MYT1L: variants seen among roughly 807,000 people sequenced by gnomAD.
MYT1L encodes myelin transcription factor 1 like, also known as myelin transcription factor 1-like protein.
MYT1L carries 12 observed loss-of-function variants against 126.7 expected under a neutral mutation model. The ratio of observed to expected loss-of-function variants is 0.09; its 90% CI spans 0.06 to 0.15. The LOEUF is 0.15. Ranked by LOEUF, MYT1L falls within the 10% of genes least tolerant of loss-of-function variation. The pLI, the probability that MYT1L is intolerant of heterozygous loss-of-function variation, is 1.00. For missense variants in MYT1L, 979 were observed against 1,585.2 expected (o/e 0.62, Z 6.49); for synonymous variants, 541 against 604.2 (o/e 0.90, Z 1.53).
intron 4 of MYT1L, among the ~76,000 whole-genome samples, chr2:2,029,649 C>G (rs1037917389): frequency 6.6e-6 from 1 of 152,194 alleles, no homozygotes; most frequent in African/African-American, 2.4e-5. Flanking sequence ...CACACACACA[C>G]AGTATAGCTT....
chr2:1,993,294 G>A (rs563979951), intron 5 of MYT1L, among the ~76,000 whole-genome samples: 3 of 152,268 alleles, frequency 2.0e-5, no homozygotes, highest in Admixed American at 6.5e-5. Flanking sequence ...ACAGGGGTCC[G>A]CCAGGTGGGG....
chr2:2,186,287 GA>G (rs2092181976), intron 2 of MYT1L, among the ~76,000 whole-genome samples: 1 of 151,526 alleles, frequency 6.6e-6, no homozygotes, highest in Non-Finnish European at 1.5e-5. Flanking sequence ...TTCCTTTCGT[GA>G]GGGGGACGTA....
chr2:1,900,872 C>T (rs926213178), intron 14 of MYT1L, among the ~76,000 whole-genome samples: 1 of 152,178 alleles, frequency 6.6e-6, no homozygotes, highest in African/African-American at 2.4e-5. Flanking sequence ...AAGCATGGCT[C>T]AGCTTTAGTG....
At chr2:2,175,449 T>C (rs1393658682) in intron 2 of MYT1L, among the ~76,000 whole-genome samples, 1 of 152,068 alleles carries the variant, frequency 6.6e-6, no homozygotes, top group Non-Finnish European at 1.5e-5. Context: ...GTCACGCTCT[T>C]TGTTTTTCAC....
chr2:1,998,064 C>G (rs2062025932), intron 4 of MYT1L, among the ~76,000 whole-genome samples: 2 of 152,176 alleles, frequency 1.3e-5, no homozygotes, highest in South Asian at 4.1e-4. Flanking sequence ...AGGCCTGTCC[C>G]TACACATGCT....
chr2:2,295,593 CAG>C (rs376553600), intron 1 of MYT1L, among the ~76,000 whole-genome samples: 28 of 20,802 alleles, frequency 1.3e-3, no homozygotes, highest in East Asian at 6.3e-3. Flanking sequence ...GACAGACAGA[CAG>C]AGAGAGAGAC....
intron 21 of MYT1L, among the ~76,000 whole-genome samples, chr2:1,812,972 A>C (rs2036922134): frequency 6.6e-6 from 1 of 151,978 alleles, no homozygotes; most frequent in African/African-American, 2.4e-5. Flanking sequence ...AGAGGTCCTA[A>C]GACTGTGACT....
chr2:1,833,296 C>T (rs763317005), intron 21 of MYT1L, among the ~76,000 whole-genome samples: 1 of 152,136 alleles, frequency 6.6e-6, no homozygotes, highest in Non-Finnish European at 1.5e-5. Flanking sequence ...TCTTACTCAC[C>T]ATCACCACCC....
chr2:2,009,655 T>A (rs1164802694), intron 4 of MYT1L, among the ~76,000 whole-genome samples: 1 of 152,194 alleles, frequency 6.6e-6, no homozygotes, highest in Non-Finnish European at 1.5e-5. Flanking sequence ...AATAGAGAAA[T>A]GCTACTTCTT....
Position 1,910,099 on chromosome 2 carries a change from C to T in MYT1L, c.1817+141G>A. On this transcript the variant is annotated intron_variant, in intron 13 of 24. Coordinates refer to ENST00000647738, the MANE Select transcript of MYT1L (RefSeq NM_001303052.2). The surrounding 1 kb of genome is among the most constrained non-coding windows in gnomAD (Gnocchi z 4.8). ...CCTGGCCTGGAGTGAGGGGTCCTGGCCCCGGCTTCCAGCACAGCCCCGCCC... is the reference window on the plus strand; with the variant it reads ...CCTGGCCTGGAGTGAGGGGTCCTGGTCCCGGCTTCCAGCACAGCCCCGCCC... The T allele has an allele frequency of 1.4e-6, 1 of 720,810 alleles. No homozygotes were observed. The highest frequency in any genetic ancestry group is 2.3e-6 in the Non-Finnish European group (1 of 433,366). 44.7% of individuals were successfully genotyped at this position (720,810 alleles called of 1,614,324 possible).
At chr2:2,033,910 A>G (rs1260578484) in intron 4 of MYT1L, among the ~76,000 whole-genome samples, 2 of 152,188 alleles carry the variant, frequency 1.3e-5, no homozygotes, top group Non-Finnish European at 2.9e-5. Context: ...ATTTCACTCT[A>G]GAGTCAAGTC....
At chr2:1,874,516 G>A (rs2046650216) in intron 18 of MYT1L, among the ~76,000 whole-genome samples, 1 of 152,166 alleles carries the variant, frequency 6.6e-6, no homozygotes, top group South Asian at 2.1e-4. Flanking sequence ...TGTGGGCTCA[G>A]GGCATGATGG....
chr2:1,796,739 G>A (rs1020152709), intron 23 of MYT1L, among the ~76,000 whole-genome samples: 1 of 152,096 alleles, frequency 6.6e-6, no homozygotes, highest in African/African-American at 2.4e-5. Context: ...TCCTGTGCCT[G>A]GAGTGCTCCT....
chr2:2,147,033 T>C (rs1265985435), intron 3 of MYT1L, among the ~76,000 whole-genome samples: 2 of 152,214 alleles, frequency 1.3e-5, no homozygotes, highest in Admixed American at 1.3e-4. Context: ...CAAGACTCAG[T>C]GACAATTGGG....
intron 2 of MYT1L, among the ~76,000 whole-genome samples, chr2:2,207,041 A>G (rs1456750530): frequency 6.6e-6 from 1 of 152,248 alleles, no homozygotes; most frequent in Non-Finnish European, 1.5e-5. Flanking sequence ...GTGTTAATGA[A>G]TCAACAATAT....
In MYT1L at chr2:2,117,714, G is replaced by T. The variant is rs192729885; in HGVS notation, c.-304+55158C>A. 7.2e-5 allele frequency among the ~76,000 whole-genome samples: 11 copies of T among 152,176 alleles called. No homozygotes were observed. In the South Asian group the frequency reaches 1.5e-3, roughly 20 times the overall value. ...ACGGAATAAGAAAACCATGACTGGG[G>T]TAGGATCATCACAATAAAAACTAAC... On this transcript the variant is annotated intron_variant, in intron 3 of 24. Transcript: ENST00000647738.
chr2:2,183,969 AAGAG>A (rs2091835888), intron 2 of MYT1L, among the ~76,000 whole-genome samples: 1 of 133,782 alleles, frequency 7.5e-6, no homozygotes, highest in South Asian at 2.6e-4. Context: ...GGGAGGGAAG[AAGAG>A]AAAGAAAGAG....
At chr2:1,829,925 C>T (rs952287321) in intron 21 of MYT1L, among the ~76,000 whole-genome samples, 3 of 152,206 alleles carry the variant, frequency 2.0e-5, no homozygotes, top group Admixed American at 1.3e-4. Flanking sequence ...TGTTTCAACA[C>T]AGACTTAAAT....
rs572526912 is a variant in MYT1L at position 1,800,724 on chromosome 2, C to T, written c.3276+972G>A. ...AGAGCGGGGATAATAAGGGAGCCCT[C>T]GGAGTGTGTTAGGAGGAGAGCATCA... On this transcript the variant is annotated intron_variant, in intron 23 of 24. Transcript: ENST00000647738. Among the ~76,000 whole-genome samples the T allele has an allele frequency of 4.5e-4, 69 of 152,254 alleles. 2 individuals carry two copies. In the South Asian group the frequency reaches 0.014, roughly 31 times the overall value.
Sources: allele counts gnomAD v4.1 joint callset (sites outside exome capture counted in the v4.1 genomes callset), GRCh38; gene constraint gnomAD v4.1.1; non-coding constraint Gnocchi (gnomAD v3.1); transcripts MANE v1.5; gene names NCBI Gene and HGNC (gene_info 2026-07-23, HGNC 2026-07-21).